The following JPH3 variants were observed in gnomAD, a reference collection of about 807,000 sequenced individuals.
JPH3 encodes the protein junctophilin-3.
A neutral mutation model predicts 59.6 loss-of-function variants in JPH3; 11 were observed. The ratio of observed to expected loss-of-function variants is 0.18; its 90% CI spans 0.12 to 0.31. JPH3 has a LOEUF of 0.31. JPH3 is among the 10% of genes least tolerant of loss of function. The pLI, the probability that JPH3 is intolerant of heterozygous loss-of-function variation, is 1.00. For missense variants in JPH3, 1,202 were observed against 1,105.7 expected, an observed-to-expected ratio of 1.09 and a Z score of -1.24; for synonymous variants, 673 against 483.6, an observed-to-expected ratio of 1.39 and a Z score of -5.14.
chr16:87,644,814 C>A lies in JPH3; in HGVS notation c.939C>A (p.Gly313=), dbSNP rs144601410. The A allele has an allele frequency of 6.2e-6, 10 of 1,613,432 alleles. No individual in the cohort carries two copies. Among genetic ancestry groups the A allele is most frequent in the Non-Finnish European group, 7.6e-6 (9 of 1,179,918 alleles). ...GCTCGGACGGGCTCAAGTACGAGGG[C>A]GAGTGGGCCAGCAACCGGCGCCATG... ...SQRSDGLKYE[G]EWASNRRHGY... The change falls in exon 2 of 5, where the codon GGC becomes GGA. Residue 313 remains glycine, a synonymous_variant. Coordinates refer to ENST00000284262, the MANE Select transcript of JPH3 (RefSeq NM_020655.4).
intron 1 of JPH3, among the ~76,000 whole-genome samples, chr16:87,634,247 G>T (rs1286200388): frequency 6.6e-6 from 1 of 152,168 alleles, no homozygotes; most frequent in African/African-American, 2.4e-5. Flanking sequence ...GGGTCCCAGA[G>T]GGGGCACAAC....
intron 1 of JPH3, among the ~76,000 whole-genome samples, chr16:87,634,863 A>G (rs2031682308): frequency 6.6e-6 from 1 of 152,222 alleles, no homozygotes; most frequent in African/African-American, 2.4e-5. Context: ...GGATCAGCTC[A>G]GCGTAGGTTT....
At chr16:87,648,998 G>T (rs2032243943) in intron 2 of JPH3, among the ~76,000 whole-genome samples, 1 of 152,190 alleles carries the variant, frequency 6.6e-6, no homozygotes, top group Non-Finnish European at 1.5e-5. Flanking sequence ...GGGGAGATGA[G>T]GCATCACACA....
At chr16:87,629,499 T>C (rs2150834339) in intron 1 of JPH3, among the ~76,000 whole-genome samples, 1 of 152,010 alleles carries the variant, frequency 6.6e-6, no homozygotes, top group East Asian at 1.9e-4. Flanking sequence ...GCAGCGAAGA[T>C]GCCATTAAAT....
intron 1 of JPH3, among the ~76,000 whole-genome samples, chr16:87,606,569 GT>G (rs771338516): frequency 6.6e-6 from 1 of 152,112 alleles, no homozygotes; most frequent in Non-Finnish European, 1.5e-5. Context: ...TACATGCCCT[GT>G]TTTGTGACCC....
intron 4 of JPH3, chr16:87,695,669 G>C (rs1308118552): frequency 2.2e-6 from 1 of 455,838 alleles, no homozygotes; most frequent in Non-Finnish European, 4.4e-6. Context: ...TACTGTATCT[G>C]TAGGGCAGCA....
intron 2 of JPH3, among the ~76,000 whole-genome samples, chr16:87,682,936 C>T (rs992977920): frequency 2.0e-5 from 3 of 152,250 alleles, no homozygotes; most frequent in African/African-American, 7.2e-5. Context: ...TCTGTCTAGT[C>T]CCTTGTCTTA....
intron 1 of JPH3, chr16:87,604,621 T>G: frequency 8.3e-7 from 1 of 1,199,168 alleles, no homozygotes; most frequent in South Asian, 1.6e-5. Context: ...ATAAAAATCC[T>G]GAGCGTACGT....
rs200827482 is a variant in JPH3, at chr16:87,696,594, C to G, written c.2181C>G (p.Ile727Met). The G allele has an allele frequency of 1.7e-5, 28 of 1,613,504 alleles. No homozygotes were observed. The East Asian group carries it at 5.8e-4, about 33-fold the overall frequency. ...ELKSSTGSAP[I>M]LVVMVILLNI... ...CTCTCTTCCAGGGCTCAGCGCCTAT[C>G]CTGGTGGTCATGGTGATCTTGCTCA... Residue 727 changes from isoleucine to methionine, a missense_variant, in exon 5 of 5, where the codon ATC becomes ATG. Coordinates refer to ENST00000284262, the MANE Select transcript of JPH3 (RefSeq NM_020655.4).
At chr16:87,616,216 G>GTGTA (rs2030957648) in intron 1 of JPH3, among the ~76,000 whole-genome samples, 2 of 145,486 alleles carry the variant, frequency 1.4e-5, no homozygotes, top group South Asian at 4.4e-4. Context: ...GTGTGTGTGT[G>GTGTA]TGTGTGTGTG....
chr16:87,654,939 C>G (rs1400390714), intron 2 of JPH3: 1 of 152,254 alleles, frequency 6.6e-6, no homozygotes, highest in Non-Finnish European at 1.5e-5. Flanking sequence ...TAAATCCCTG[C>G]CGGAGTGCGG....
intron 1 of JPH3, among the ~76,000 whole-genome samples, chr16:87,634,156 T>C (rs2031655708): frequency 6.6e-6 from 1 of 152,104 alleles, no homozygotes; most frequent in African/African-American, 2.4e-5. Context: ...CCTGGAGCTT[T>C]GTGAATGCCG....
chr16:87,658,379 T>C lies in JPH3; in HGVS notation c.1160+13344T>C, dbSNP rs190793174. Among the ~76,000 whole-genome samples, 66 of 149,514 alleles carry C rather than the reference T, an allele frequency of 4.4e-4. No homozygotes were observed. The Middle Eastern group carries it at 0.017, about 39-fold the overall frequency. On this transcript the variant is annotated intron_variant, in intron 2 of 4. Coordinates refer to ENST00000284262, the MANE Select transcript of JPH3 (RefSeq NM_020655.4). ...TTCTCCCCGCTTCTCCCCCTCTCTT[T>C]TTCCCTTTCTCTTTTCCTCCCTCTC...
chr16:87,691,069 C>T (rs1022289395), intron 4 of JPH3, among the ~76,000 whole-genome samples: 1 of 148,482 alleles, frequency 6.7e-6, no homozygotes, highest in Non-Finnish European at 1.5e-5. Flanking sequence ...TGCAACTCAC[C>T]GTCAGCCTCA....
Position 87,690,136 on chromosome 16 carries a change from C to A in JPH3, c.1776C>A (p.Asn592Lys). Reference protein sequence around the residue: ...FTWTSHHRASNHSPGGSRLLE... With the variant: ...FTWTSHHRASKHSPGGSRLLE... ...GGACTTCCCACCACCGGGCCAGCAA[C>A]CACAGCCCCGGAGGCTCCAGGCTGC... Residue 592 changes from asparagine to lysine, a missense_variant, in exon 4 of 5, where the codon AAC (asparagine) becomes AAA (lysine). Physicochemically the swap from Asn to Lys is moderately conservative, Grantham distance 94. Coordinates refer to ENST00000284262, the MANE Select transcript of JPH3 (RefSeq NM_020655.4). 1.9e-6 allele frequency: 3 copies of A among 1,593,858 alleles called. No homozygotes were observed. The highest frequency in any genetic ancestry group is 2.6e-6 in the Non-Finnish European group (3 of 1,170,484).
At chr16:87,614,201 G>C (rs145041822) in intron 1 of JPH3, among the ~76,000 whole-genome samples, 1 of 151,960 alleles carries the variant, frequency 6.6e-6, no homozygotes, top group Non-Finnish European at 1.5e-5. Context: ...GAGGAGCCGC[G>C]TGTCCCCTCC....
chr16:87,687,918 T>A (rs546522003), intron 3 of JPH3, among the ~76,000 whole-genome samples: 5 of 150,944 alleles, frequency 3.3e-5, no homozygotes, highest in Non-Finnish European at 5.9e-5. Flanking sequence ...GCCAGCCCCT[T>A]GGAAGTCCCA....
intron 4 of JPH3, chr16:87,695,447 T>A (rs1434780602): frequency 8.8e-6 from 4 of 455,566 alleles, no homozygotes; most frequent in Non-Finnish European, 1.3e-5. Flanking sequence ...TGGTAGGAAG[T>A]GGAGGGCTCC....
At chr16:87,685,685 C>T (rs934623041) in intron 3 of JPH3, among the ~76,000 whole-genome samples, 1 of 152,266 alleles carries the variant, frequency 6.6e-6, no homozygotes, top group African/African-American at 2.4e-5. Context: ...GCACGTAGGA[C>T]GGCATGGGAT....
Sources: gnomAD v4.1 joint callset for allele counts (sites outside exome capture counted in the v4.1 genomes callset) on GRCh38, gnomAD v4.1.1 for gene constraint, MANE v1.5 for transcripts, NCBI Gene and HGNC (gene_info 2026-07-23, HGNC 2026-07-21) for gene names.